Variants in GLIS3 observed in about 807,000 individuals in gnomAD.
GLIS3 encodes the protein zinc finger protein GLIS3.
GLIS3 carries 53 observed loss-of-function variants against 78.6 expected under a neutral mutation model. The ratio of observed to expected loss-of-function variants is 0.67; its 90% CI spans 0.54 to 0.85. The LOEUF is 0.85. Ranked by LOEUF, GLIS3 falls within the 40% of genes least tolerant of loss-of-function variation. GLIS3 has a pLI of 0.00. For synonymous variants in GLIS3, 684 were observed against 509.9 expected, an observed-to-expected ratio of 1.34 and a Z score of -4.60; for missense variants, 1,703 against 1,231.1, an observed-to-expected ratio of 1.38 and a Z score of -5.74.
the GLIS3 span, among the ~76,000 whole-genome samples, chr9:4,400,481 A>T: frequency 6.6e-6 from 1 of 152,240 alleles, no homozygotes. Context: ...TATAACCTAC[A>T]AGCCATAACC....
intron 8 of GLIS3, among the ~76,000 whole-genome samples, chr9:3,874,738 A>C (rs968607963): frequency 6.7e-4 from 102 of 152,348 alleles, no homozygotes; most frequent in African/African-American, 2.4e-3. Flanking sequence ...GAAAACCCCC[A>C]CACAGTTGGT....
chr9:4,330,238 A>G (rs925104293), intron 2 of GLIS3, among the ~76,000 whole-genome samples: 18 of 152,240 alleles, frequency 1.2e-4, no homozygotes, highest in African/African-American at 4.1e-4. Flanking sequence ...CAAGACAGCA[A>G]GGTGTAGACA....
At chr9:4,417,358 C>T in the GLIS3 span, among the ~76,000 whole-genome samples, 1 of 152,158 alleles carries the variant, frequency 6.6e-6, no homozygotes, top group Non-Finnish European at 1.5e-5. Context: ...AAAGCAAGGA[C>T]TGTCTCTGTT....
intron 4 of GLIS3, among the ~76,000 whole-genome samples, chr9:3,955,122 G>A (rs542553635): frequency 6.6e-4 from 100 of 152,278 alleles, no homozygotes; most frequent in African/African-American, 2.2e-3. Flanking sequence ...AAATGAAGAC[G>A]ACCTGGGGAA....
At chr9:4,367,029 C>G in the GLIS3 span, among the ~76,000 whole-genome samples, 1 of 152,202 alleles carries the variant, frequency 6.6e-6, no homozygotes, top group Non-Finnish European at 1.5e-5. Flanking sequence ...ATCCTATCAG[C>G]CTATTTGAAT....
At chr9:4,288,897 A>G (rs1828219876) in intron 1 of GLIS3, among the ~76,000 whole-genome samples, 1 of 152,204 alleles carries the variant, frequency 6.6e-6, no homozygotes, top group Non-Finnish European at 1.5e-5. Context: ...AAACATGAAA[A>G]TATGGCGAAT....
the GLIS3 span, among the ~76,000 whole-genome samples, chr9:4,424,797 T>C: frequency 6.6e-6 from 1 of 152,170 alleles, no homozygotes; most frequent in African/African-American, 2.4e-5. Flanking sequence ...CTTAAACTTC[T>C]GGGCTCAAGT....
chr9:4,059,910 AT>A (rs1826503717), intron 4 of GLIS3, among the ~76,000 whole-genome samples: 1 of 150,344 alleles, frequency 6.7e-6, no homozygotes. Flanking sequence ...AAATAAAAAA[AT>A]CTATGATTTT....
intron 4 of GLIS3, among the ~76,000 whole-genome samples, chr9:3,963,069 A>AT (rs1817686895): frequency 6.6e-6 from 1 of 152,176 alleles, no homozygotes; most frequent in Non-Finnish European, 1.5e-5. Flanking sequence ...AAGGACACAC[A>AT]TATAAAGGCA....
the GLIS3 span, among the ~76,000 whole-genome samples, chr9:4,374,552 G>A: frequency 3.0e-4 from 46 of 152,338 alleles, 1 homozygote; most frequent in African/African-American, 1.1e-3. Context: ...GCTCACACAT[G>A]GCGGCTGTCT....
intron 2 of GLIS3, among the ~76,000 whole-genome samples, chr9:4,126,321 G>A (rs655551): frequency 0.055 from 8,350 of 152,234 alleles, 288 homozygotes; most frequent in African/African-American, 0.099. Flanking sequence ...ACCCAGCAAG[G>A]AAAGTTGACA....
chr9:4,483,445 T>C, the GLIS3 span, among the ~76,000 whole-genome samples: 17 of 152,074 alleles, frequency 1.1e-4, no homozygotes, highest in Admixed American at 2.6e-4. Flanking sequence ...GGTGGCTGGG[T>C]GCGGTGGCTC....
At chr9:3,863,292 C>T (rs541021329) in intron 8 of GLIS3, among the ~76,000 whole-genome samples, 14 of 152,326 alleles carry the variant, frequency 9.2e-5, no homozygotes, top group Admixed American at 6.5e-4. Flanking sequence ...CAGTTCAATC[C>T]AGATTTGTCC....
At chr9:4,000,197 G>A (rs1293004015) in intron 4 of GLIS3, among the ~76,000 whole-genome samples, 2 of 152,128 alleles carry the variant, frequency 1.3e-5, no homozygotes, top group Admixed American at 1.3e-4. Flanking sequence ...GATAACTCTT[G>A]AAAACAATGC....
chr9:4,147,131 C>A (rs1034331929), intron 2 of GLIS3, among the ~76,000 whole-genome samples: 1 of 152,132 alleles, frequency 6.6e-6, no homozygotes, highest in African/African-American at 2.4e-5. Flanking sequence ...ATTATGCAGG[C>A]AATATCCTAA....
chr9:4,246,507 C>T (rs764771766), intron 2 of GLIS3, among the ~76,000 whole-genome samples: 12 of 152,208 alleles, frequency 7.9e-5, no homozygotes, highest in Non-Finnish European at 1.5e-4. Context: ...TAAGTGACAT[C>T]TGCAGTTGTT....
At chr9:3,925,030 T>C (rs1563855487) in intron 6 of GLIS3, among the ~76,000 whole-genome samples, 1 of 152,256 alleles carries the variant, frequency 6.6e-6, no homozygotes, top group East Asian at 1.9e-4. Flanking sequence ...CTTACACAGT[T>C]GGCCAGAACT....
intron 6 of GLIS3, among the ~76,000 whole-genome samples, chr9:3,902,284 G>A (rs1218088832): frequency 6.6e-6 from 1 of 152,158 alleles, no homozygotes; most frequent in East Asian, 1.9e-4. Flanking sequence ...ACGCAGTCAT[G>A]ATATGGAAGT....
chr9:4,050,305 G>A (rs1825638713), intron 4 of GLIS3, among the ~76,000 whole-genome samples: 1 of 152,146 alleles, frequency 6.6e-6, no homozygotes, highest in East Asian at 1.9e-4. Context: ...CAGGGACATG[G>A]ATGAAGCTGG....
Sources: gnomAD v4.1 joint callset for allele counts (sites outside exome capture counted in the v4.1 genomes callset) on GRCh38, gnomAD v4.1.1 for gene constraint, MANE v1.5 for transcripts, NCBI Gene and HGNC (gene_info 2026-07-23, HGNC 2026-07-21) for gene names.